SLC36A1: variants seen among roughly 807,000 people sequenced by gnomAD.
The protein encoded by SLC36A1 is solute carrier family 36 member 1.
In SLC36A1, 30 loss-of-function variants were observed where a neutral mutation model predicts 47.5. That is an observed-to-expected ratio of 0.63 (90% confidence interval 0.47 to 0.86). The LOEUF is 0.86. Among genes scored for constraint, SLC36A1 ranks in the 40% least tolerant of loss-of-function variants. SLC36A1 has a pLI of 0.00. For missense variants in SLC36A1, 517 were observed against 606.0 expected, an observed-to-expected ratio of 0.85 and a Z score of 1.54; for synonymous variants, 255 against 249.7, an observed-to-expected ratio of 1.02 and a Z score of -0.20.
chr5:151,407,294 T>C, the SLC36A1 span, among the ~76,000 whole-genome samples: 3 of 152,238 alleles, frequency 2.0e-5, no homozygotes, highest in Non-Finnish European at 4.4e-5. Flanking sequence ...TGGTCCATTT[T>C]TACAGAGTGC....
chr5:151,455,743 C>T (rs1754401233), intron 1 of SLC36A1, among the ~76,000 whole-genome samples: 1 of 152,194 alleles, frequency 6.6e-6, no homozygotes, highest in Non-Finnish European at 1.5e-5. Flanking sequence ...GGACACACTT[C>T]CAAGTTGCCT....
chr5:151,549,991 T>C, the SLC36A1 span, among the ~76,000 whole-genome samples: 9 of 152,164 alleles, frequency 5.9e-5, no homozygotes, highest in African/African-American at 2.2e-4. Flanking sequence ...GAGGCCAGGC[T>C]CCGATTCTGG....
At chr5:151,347,940 CA>C in the SLC36A1 span, among the ~76,000 whole-genome samples, 35 of 152,156 alleles carry the variant, frequency 2.3e-4, no homozygotes, top group East Asian at 6.6e-3. Context: ...GAACCTAGCC[CA>C]ATTTGTCAAG....
chr5:151,369,778 G>A, the SLC36A1 span, among the ~76,000 whole-genome samples: 19 of 152,076 alleles, frequency 1.2e-4, no homozygotes, highest in Non-Finnish European at 2.5e-4. Context: ...CACTGTGCCT[G>A]GCATATTTCT....
the SLC36A1 span, among the ~76,000 whole-genome samples, chr5:151,395,555 C>G: frequency 6.6e-6 from 1 of 152,162 alleles, no homozygotes; most frequent in Non-Finnish European, 1.5e-5. Context: ...AGCCACCTCC[C>G]CTTTTGAGTT....
the SLC36A1 span, among the ~76,000 whole-genome samples, chr5:151,518,382 A>ATAAT: frequency 1.6e-5 from 1 of 63,470 alleles, no homozygotes; most frequent in African/African-American, 6.2e-5. Context: ...ATAATTTTTA[A>ATAAT]AAGAAAGTAA....
At chr5:151,503,229 G>A in the SLC36A1 span, among the ~76,000 whole-genome samples, 1 of 147,912 alleles carries the variant, frequency 6.8e-6, no homozygotes. Context: ...ATGGACTGTA[G>A]GTGATAATGA....
At chr5:151,537,926 A>G in the SLC36A1 span, 1 of 1,614,180 alleles carries the variant, frequency 6.2e-7, no homozygotes, top group East Asian at 2.2e-5. Context: ...CATCTTCATG[A>G]ACCTTGCCAG....
chr5:151,404,197 G>A, the SLC36A1 span, among the ~76,000 whole-genome samples: 10 of 152,056 alleles, frequency 6.6e-5, no homozygotes, highest in African/African-American at 2.4e-4. Context: ...TACTGCTGTT[G>A]GTTTTAAGTC....
the SLC36A1 span, among the ~76,000 whole-genome samples, chr5:151,508,847 A>G: frequency 1.3e-5 from 2 of 152,192 alleles, no homozygotes; most frequent in South Asian, 4.1e-4. Flanking sequence ...ACACAGGCTA[A>G]TAGCAAAGGG....
chr5:151,544,621 G>T, the SLC36A1 span: 1 of 1,614,094 alleles, frequency 6.2e-7, no homozygotes, highest in Non-Finnish European at 8.5e-7. Flanking sequence ...CTGAAACAGT[G>T]GGTTGGATTT....
At chr5:151,495,926 T>C (rs1034027184), downstream of SLC36A1, among the ~76,000 whole-genome samples, 3 of 152,196 alleles carry the variant, frequency 2.0e-5, no homozygotes, top group South Asian at 2.1e-4. Context: ...CTGAAAGAAA[T>C]GTGCAGTTTC....
chr5:151,530,776 G>A, the SLC36A1 span, among the ~76,000 whole-genome samples: 3 of 152,312 alleles, frequency 2.0e-5, no homozygotes, highest in Non-Finnish European at 4.4e-5. Flanking sequence ...CAGTGTCTGC[G>A]GTTGGATGGA....
chr5:151,346,271 T>C, the SLC36A1 span, among the ~76,000 whole-genome samples: 5 of 152,274 alleles, frequency 3.3e-5, no homozygotes, highest in South Asian at 1.0e-3. Flanking sequence ...ACTTAGCAAC[T>C]TCCAGGACTA....
chr5:151,448,517 T>A (rs1049168052), intron 1 of SLC36A1, among the ~76,000 whole-genome samples: 1 of 152,262 alleles, frequency 6.6e-6, no homozygotes, highest in Non-Finnish European at 1.5e-5. Flanking sequence ...GTTTCTAACC[T>A]TCCTGCATTC....
At chr5:151,461,154 A>ATT (rs3086279) in intron 2 of SLC36A1, among the ~76,000 whole-genome samples, 10 of 125,592 alleles carry the variant, frequency 8.0e-5, no homozygotes, top group Admixed American at 2.4e-4. Context: ...TACTTTTTGT[A>ATT]TTTTTTTTTT....
the SLC36A1 span, among the ~76,000 whole-genome samples, chr5:151,534,803 C>T: frequency 6.6e-6 from 1 of 151,776 alleles, no homozygotes; most frequent in Non-Finnish European, 1.5e-5. Flanking sequence ...TGTATCCCCC[C>T]ATACCCATTC....
chr5:151,347,203 G>A, the SLC36A1 span: 1 of 1,469,126 alleles, frequency 6.8e-7, no homozygotes, highest in Non-Finnish European at 9.5e-7. Context: ...TCTGCACAGT[G>A]GGTTGAGGGT....
chr5:151,359,259 C>T, the SLC36A1 span, among the ~76,000 whole-genome samples: 1 of 152,190 alleles, frequency 6.6e-6, no homozygotes, highest in African/African-American at 2.4e-5. Context: ...ACAACATCCA[C>T]AAATGTTTTA....
Sources: allele counts gnomAD v4.1 joint callset (sites outside exome capture counted in the v4.1 genomes callset), GRCh38; gene constraint gnomAD v4.1.1; transcripts MANE v1.5; gene names NCBI Gene and HGNC (gene_info 2026-07-23, HGNC 2026-07-21).